MAP3K19: variants seen among roughly 807,000 people sequenced by gnomAD.
MAP3K19 encodes the protein SPS1/STE20-related protein kinase YSK4.
A neutral mutation model predicts 114.4 loss-of-function variants in MAP3K19; 91 were observed. The observed-to-expected ratio is 0.80, with a 90% CI of 0.67 to 0.95. The LOEUF (loss-of-function observed/expected upper bound fraction) is 0.95. MAP3K19 is among the 40% of genes least tolerant of loss of function. The pLI, the probability that MAP3K19 is intolerant of heterozygous loss-of-function variation, is 0.00. For synonymous variants in MAP3K19, 518 were observed against 530.5 expected, an observed-to-expected ratio of 0.98 and a Z score of 0.32; for missense variants, 1,471 against 1,573.2, an observed-to-expected ratio of 0.94 and a Z score of 1.10.
intron 8 of MAP3K19, among the ~76,000 whole-genome samples, chr2:134,992,888 C>T (rs1365779614): frequency 6.6e-6 from 1 of 152,082 alleles, no homozygotes; most frequent in Non-Finnish European, 1.5e-5. Flanking sequence ...ACTATGTTGG[C>T]TAGGCTGGTC....
At chr2:135,046,198 C>A (rs1449770515) in intron 1 of MAP3K19, among the ~76,000 whole-genome samples, 1 of 152,116 alleles carries the variant, frequency 6.6e-6, no homozygotes, top group Non-Finnish European at 1.5e-5. Context: ...CCTCTTCCAA[C>A]CTTCAATCTG....
Position 134,987,119 on chromosome 2 carries a change from A to G in MAP3K19, c.1753T>C (p.Trp585Arg). Residue 585 changes from tryptophan (W) to arginine (R), a missense_variant, in exon 10 of 13, where the codon TGG becomes CGG. Transcript: ENST00000392915. Reference sequence around the variant, plus strand: ...TTCTTTTGAAACCTGGGCAATTGCCAAGGCCTGGGGTCCACAAGTCCCAAA... The same window carrying G: ...TTCTTTTGAAACCTGGGCAATTGCCGAGGCCTGGGGTCCACAAGTCCCAAA... ...PALGLVDPRPWQLPRFQKKMP... is the reference protein window; with the variant it reads ...PALGLVDPRPRQLPRFQKKMP... The G allele has an allele frequency of 6.2e-7, 1 of 1,613,934 alleles. No individual in the cohort carries two copies. Among genetic ancestry groups the G allele is most frequent in the Non-Finnish European group, 8.5e-7 (1 of 1,180,026 alleles).
At chr2:134,989,040 G>T (rs1300016339) in intron 9 of MAP3K19, among the ~76,000 whole-genome samples, 1 of 152,174 alleles carries the variant, frequency 6.6e-6, no homozygotes, top group African/African-American at 2.4e-5. Context: ...GTTTGTGAAT[G>T]AAATGTACAA....
intron 6 of MAP3K19, among the ~76,000 whole-genome samples, chr2:135,005,063 G>C (rs1394323383): frequency 6.6e-6 from 1 of 152,174 alleles, no homozygotes; most frequent in East Asian, 1.9e-4. Flanking sequence ...CACTGATTCA[G>C]ATATGGACCA....
intron 2 of MAP3K19, among the ~76,000 whole-genome samples, chr2:135,033,320 G>A (rs1323476237): frequency 8.1e-6 from 1 of 123,308 alleles, no homozygotes; most frequent in Non-Finnish European, 1.6e-5. Context: ...GGAGCGGCTG[G>A]GCAGAGGCGC....
chr2:134,997,037 G>A (rs941422778), intron 8 of MAP3K19, among the ~76,000 whole-genome samples: 4 of 151,948 alleles, frequency 2.6e-5, no homozygotes, highest in Admixed American at 6.6e-5. Context: ...CAACACAGCC[G>A]GAATGTGTCT....
chr2:134,999,110 G>A lies in MAP3K19; in HGVS notation c.315-113C>T, dbSNP rs1272853368. ...AAGTTTGAAGAACTACTTCCAAATG[G>A]TGCTGCTGAAAGGAAAGGCTGAATC... On this transcript the variant is annotated intron_variant, in intron 7 of 12. Coordinates refer to ENST00000392915, the MANE Select transcript of MAP3K19 (RefSeq NM_025052.5). The surrounding 1 kb of genome is among the most constrained non-coding windows in gnomAD (Gnocchi z 4.1). The A allele has an allele frequency of 8.1e-7, 1 of 1,240,106 alleles. No individual in the cohort carries two copies. Among genetic ancestry groups the A allele is most frequent in the East Asian group, 2.3e-5 (1 of 43,026 alleles). The allele number at this position is 1,240,106 out of a possible 1,614,324, so 76.8% of individuals were successfully genotyped here. A position where few individuals can be genotyped will look rare whatever the true frequency, so the allele number is the denominator to read the frequency against.
At chr2:135,016,648 T>A (rs1687602808) in intron 5 of MAP3K19, among the ~76,000 whole-genome samples, 1 of 152,156 alleles carries the variant, frequency 6.6e-6, no homozygotes, top group African/African-American at 2.4e-5. Context: ...ACATGTTACA[T>A]CATTCTATTT....
chr2:134,985,825 C>T lies in MAP3K19; in HGVS notation c.3047G>A (p.Arg1016Lys), dbSNP rs1481203734. The T allele has an allele frequency of 6.2e-7, 1 of 1,609,748 alleles. No individual in the cohort carries two copies. Among genetic ancestry groups the T allele is most frequent in the South Asian group, 1.1e-5 (1 of 89,886 alleles). ...CTGTATTTTGACTTTTGTTGTCTCT[C>T]TGCCCATTTCTTTTGGGGTACTTCC... ...WRGSTPKEMGRETTKVKIQRH... is the reference protein window; with the variant it reads ...WRGSTPKEMGKETTKVKIQRH... Residue 1016 changes from arginine (R) to lysine (K), a missense_variant, in exon 10 of 13, where the codon AGA (arginine) becomes AAA (lysine). By Grantham distance (26) the Arg-to-Lys change is conservative (BLOSUM62 2). Coordinates refer to ENST00000392915, the MANE Select transcript of MAP3K19 (RefSeq NM_025052.5).
chr2:135,035,748 C>T (rs998920712), intron 2 of MAP3K19, among the ~76,000 whole-genome samples: 1 of 152,330 alleles, frequency 6.6e-6, no homozygotes, highest in African/African-American at 2.4e-5. Context: ...GATCCAGCCC[C>T]TGCCTGCATT....
At chr2:134,974,593 A>C (rs1158616277) in intron 12 of MAP3K19, among the ~76,000 whole-genome samples, 1 of 152,194 alleles carries the variant, frequency 6.6e-6, no homozygotes, top group Non-Finnish European at 1.5e-5. Flanking sequence ...TAGATTTTCT[A>C]TACCTTTGGT....
chr2:135,007,581 AT>A (rs971563474), intron 5 of MAP3K19, among the ~76,000 whole-genome samples: 24 of 143,482 alleles, frequency 1.7e-4, no homozygotes, highest in East Asian at 1.6e-3. Context: ...CTTTCTAGCT[AT>A]TTTTTTTTGT....
intron 8 of MAP3K19, among the ~76,000 whole-genome samples, chr2:134,995,239 C>T (rs1005864034): frequency 3.3e-5 from 5 of 150,386 alleles, no homozygotes; most frequent in Non-Finnish European, 5.9e-5. Context: ...TGGCTTCAGC[C>T]CAGAAGACGG....
intron 3 of MAP3K19, among the ~76,000 whole-genome samples, chr2:135,025,448 C>T (rs1030146014): frequency 2.2e-5 from 3 of 138,912 alleles, no homozygotes; most frequent in African/African-American, 5.6e-5. Context: ...TGCAGTGGCG[C>T]GATCTCGGCT....
intron 11 of MAP3K19, 152 bp downstream of exon 11, chr2:134,983,524 T>G: frequency 2.3e-5 from 14 of 606,844 alleles, no homozygotes; most frequent in East Asian, 5.8e-5. Flanking sequence ...CCCTCAGTGG[T>G]TGGATTTTCT....
intron 2 of MAP3K19, among the ~76,000 whole-genome samples, chr2:135,036,637 ATG>A (rs57859657): frequency 0.11 from 15,016 of 139,918 alleles, 913 homozygotes; most frequent in Middle Eastern, 0.31. Flanking sequence ...GTTCAACATT[ATG>A]TGTGTGTGTG....
At chr2:135,044,480 C>A (rs7601696) in intron 1 of MAP3K19, among the ~76,000 whole-genome samples, 40,289 of 151,988 alleles carry the variant, frequency 0.27, 7,196 homozygotes, top group African/African-American at 0.48. Context: ...ATACAAGCTA[C>A]TTGGGAGGCT....
chr2:135,025,372 C>CTT (rs1054458367), intron 3 of MAP3K19, among the ~76,000 whole-genome samples: 22 of 70,130 alleles, frequency 3.1e-4, no homozygotes, highest in African/African-American at 1.3e-3. Flanking sequence ...ATGGCCTTTT[C>CTT]TTTTCTTTTT....
chr2:135,019,541 A>T (rs1026703039), intron 5 of MAP3K19, among the ~76,000 whole-genome samples: 4 of 152,168 alleles, frequency 2.6e-5, no homozygotes, highest in Non-Finnish European at 5.9e-5. Context: ...AGTCCCAGCT[A>T]GTCAGGAGGC....
Sources: allele counts gnomAD v4.1 joint callset (sites outside exome capture counted in the v4.1 genomes callset), GRCh38; gene constraint gnomAD v4.1.1; non-coding constraint Gnocchi (gnomAD v3.1); transcripts MANE v1.5; gene names NCBI Gene and HGNC (gene_info 2026-07-23, HGNC 2026-07-21).